Variants in PSD3 observed in about 807,000 individuals in gnomAD.
The protein encoded by PSD3 is pleckstrin and Sec7 domain containing 3, also known as PH and SEC7 domain-containing protein 3.
PSD3 carries 49 observed loss-of-function variants against 105.5 expected under a neutral mutation model. That is an observed-to-expected ratio of 0.46 (90% CI 0.37 to 0.59). The LOEUF (loss-of-function observed/expected upper bound fraction) is 0.59, where lower values mean the gene tolerates loss of function less well. Ranked by LOEUF, PSD3 falls within the 20% of genes least tolerant of loss-of-function variation. The pLI, the probability that PSD3 is intolerant of heterozygous loss-of-function variation, is 0.00. For missense variants in PSD3, 1,561 were observed against 1,263.8 expected (o/e 1.24, Z -3.57); for synonymous variants, 557 against 457.8 (o/e 1.22, Z -2.77).
chr8:18,705,323 T>C (rs1801823242), intron 9 of PSD3, among the ~76,000 whole-genome samples: 1 of 152,014 alleles, frequency 6.6e-6, no homozygotes, highest in Non-Finnish European at 1.5e-5. Context: ...AGCTCAGTAG[T>C]TCGAGATCAG....
intron 10 of PSD3, among the ~76,000 whole-genome samples, chr8:18,648,728 C>A (rs942581318): frequency 6.6e-6 from 1 of 152,190 alleles, no homozygotes; most frequent in Non-Finnish European, 1.5e-5. Flanking sequence ...CTATCACAGG[C>A]CTGGAGGCTT....
At chr8:18,553,332 C>G (rs1800887894) in intron 15 of PSD3, among the ~76,000 whole-genome samples, 1 of 146,948 alleles carries the variant, frequency 6.8e-6, no homozygotes, top group Non-Finnish European at 1.5e-5. Context: ...TCTGTGGGCT[C>G]CCACTGAACT....
chr8:18,825,844 C>T (rs989059877), intron 4 of PSD3, among the ~76,000 whole-genome samples: 2 of 152,150 alleles, frequency 1.3e-5, no homozygotes, highest in Non-Finnish European at 2.9e-5. Flanking sequence ...TGATCAGAAT[C>T]AAGTTCTTCC....
At position 18,955,509 on chromosome 8, in the gene PSD3, T is replaced by C. The variant is rs910553166; in HGVS notation, c.22-19367A>G. 9.9e-5 allele frequency among the ~76,000 whole-genome samples: 15 copies of C among 152,212 alleles called. 1 individual carries two copies. The highest frequency in any genetic ancestry group is 7.9e-4 in the Admixed American group (12 of 15,278). On this transcript the variant is annotated intron_variant, in intron 1 of 15. Coordinates refer to ENST00000327040, the MANE Select transcript of PSD3 (RefSeq NM_015310.4). ...AAAGTTTATGCATAACAATTATTCA[T>C]TTATCAATTTTTTACTATTATAGTG...
At chr8:18,939,636 C>A (rs1454315400) in intron 1 of PSD3, among the ~76,000 whole-genome samples, 2 of 151,910 alleles carry the variant, frequency 1.3e-5, no homozygotes, top group African/African-American at 4.8e-5. Flanking sequence ...TATTATCATA[C>A]CACAAATGTA....
chr8:18,540,812 C>A (rs545331136), intron 15 of PSD3, among the ~76,000 whole-genome samples: 8 of 152,236 alleles, frequency 5.3e-5, no homozygotes, highest in African/African-American at 1.9e-4. Flanking sequence ...TCCTTAAAAC[C>A]CTTCTCAACC....
At chr8:19,043,684 G>A (rs1421454014) in intron 1 of PSD3, among the ~76,000 whole-genome samples, 1 of 152,140 alleles carries the variant, frequency 6.6e-6, no homozygotes, top group Non-Finnish European at 1.5e-5. Flanking sequence ...TCATGAGTGG[G>A]CTTAATGCCT....
At chr8:18,716,222 C>T (rs572520717) in intron 9 of PSD3, among the ~76,000 whole-genome samples, 8 of 152,314 alleles carry the variant, frequency 5.3e-5, no homozygotes, top group African/African-American at 1.4e-4. Flanking sequence ...CTACGAAACA[C>T]GCCCACATCC....
intron 9 of PSD3, among the ~76,000 whole-genome samples, chr8:18,658,891 C>T (rs1192359729): frequency 6.6e-6 from 1 of 152,174 alleles, no homozygotes; most frequent in Non-Finnish European, 1.5e-5. Flanking sequence ...CAACCATCTG[C>T]AGTCCTTGTT....
rs1441890988 is a variant in PSD3, at chr8:18,969,554, A to G, written c.22-33412T>C. ...TTTTTATTAGTGGCCATTTCTAAAG[A>G]GAGGTCATATACCTTCTTTGTTTAG... On this transcript the variant is annotated intron_variant, in intron 1 of 15. Coordinates refer to ENST00000327040, the MANE Select transcript of PSD3 (RefSeq NM_015310.4). 2.6e-5 allele frequency among the ~76,000 whole-genome samples: 4 copies of G among 152,256 alleles called. No homozygotes were observed. The East Asian group carries it at 7.7e-4, about 29-fold the overall frequency.
intron 12 of PSD3, among the ~76,000 whole-genome samples, chr8:18,581,053 C>G (rs1466283795): frequency 6.6e-6 from 1 of 152,144 alleles, no homozygotes; most frequent in Non-Finnish European, 1.5e-5. Flanking sequence ...ATGACAGAAA[C>G]TGAGAGAGAA....
intron 1 of PSD3, among the ~76,000 whole-genome samples, chr8:18,995,220 C>G (rs976966977): frequency 1.5e-4 from 23 of 152,094 alleles, no homozygotes; most frequent in Non-Finnish European, 2.5e-4. Flanking sequence ...ACTCAGAGGT[C>G]TAGGACAAAT....
At chr8:19,062,750 A>T (rs1828947087) in intron 1 of PSD3, among the ~76,000 whole-genome samples, 1 of 152,244 alleles carries the variant, frequency 6.6e-6, no homozygotes, top group South Asian at 2.1e-4. Flanking sequence ...ACGCTACATT[A>T]CATCAAAATC....
intron 4 of PSD3, 83 bp downstream of exon 4, chr8:18,867,591 A>T: frequency 6.8e-7 from 1 of 1,478,890 alleles, no homozygotes; most frequent in Non-Finnish European, 9.1e-7. Flanking sequence ...AATGATTTAA[A>T]TATATATTCC....
At chr8:18,809,954 C>T (rs1811553846) in intron 4 of PSD3, among the ~76,000 whole-genome samples, 1 of 152,168 alleles carries the variant, frequency 6.6e-6, no homozygotes, top group Non-Finnish European at 1.5e-5. Flanking sequence ...ATAATGTAGC[C>T]ACTTTACACA....
chr8:18,813,016 C>G (rs1025346909), intron 4 of PSD3, among the ~76,000 whole-genome samples: 2 of 152,074 alleles, frequency 1.3e-5, no homozygotes, highest in South Asian at 4.1e-4. Context: ...ACAGAAAAAC[C>G]AGCTACAAAA....
chr8:18,546,482 C>A (rs1331020451), intron 15 of PSD3, among the ~76,000 whole-genome samples: 1 of 152,126 alleles, frequency 6.6e-6, no homozygotes, highest in Admixed American at 6.6e-5. Context: ...TGGGGCTAGA[C>A]TGGATTGAGC....
chr8:18,873,849 C>T (rs191640174), intron 2 of PSD3, among the ~76,000 whole-genome samples: 5 of 152,250 alleles, frequency 3.3e-5, no homozygotes, highest in African/African-American at 7.2e-5. Flanking sequence ...TGGCATCTTA[C>T]GAAGAACCCC....
intron 9 of PSD3, among the ~76,000 whole-genome samples, chr8:18,724,903 A>G (rs1052907364): frequency 6.6e-6 from 1 of 152,222 alleles, no homozygotes; most frequent in African/African-American, 2.4e-5. Flanking sequence ...AGATGGGAAC[A>G]ATGGGAGATG....
Sources: gnomAD v4.1 joint callset for allele counts (sites outside exome capture counted in the v4.1 genomes callset) on GRCh38, gnomAD v4.1.1 for gene constraint, MANE v1.5 for transcripts, NCBI Gene and HGNC (gene_info 2026-07-23, HGNC 2026-07-21) for gene names.